ANKRD18A: variants seen among roughly 807,000 people sequenced by gnomAD.
ANKRD18A encodes ankyrin repeat domain 18A, also known as ankyrin repeat domain-containing protein 18A.
Under a neutral mutation model 110.6 loss-of-function variants are expected in ANKRD18A, and 72 were observed. That is an observed-to-expected ratio of 0.65 (90% CI 0.54 to 0.79). The LOEUF (loss-of-function observed/expected upper bound fraction) is 0.79, where lower values mean the gene tolerates loss of function less well. ANKRD18A is among the 30% of genes least tolerant of loss of function. The pLI is 0.00. For missense variants in ANKRD18A, 934 were observed against 1,163.3 expected, an observed-to-expected ratio of 0.80 and a Z score of 2.87; for synonymous variants, 305 against 410.3, an observed-to-expected ratio of 0.74 and a Z score of 3.10.
At chr9:38,594,810 T>C (rs1450540695) in intron 9 of ANKRD18A, among the ~76,000 whole-genome samples, 3 of 152,200 alleles carry the variant, frequency 2.0e-5, no homozygotes, top group Non-Finnish European at 4.4e-5. Flanking sequence ...GCTCACTTAA[T>C]TGAATCTGAT....
In ANKRD18A at chr9:38,595,913, A is replaced by G. The variant is rs1422894583; in HGVS notation, c.1427T>C (p.Val476Ala). Residue 476 changes from valine to alanine, a missense_variant, in exon 9 of 16, where the codon GTC (valine) becomes GCC (alanine). By Grantham distance (64) the Val-to-Ala change is moderately conservative. This residue lies in a region of ANKRD18A where 630 missense variants were observed against 797.5 expected (regional missense o/e 0.79). Transcript: ENST00000399703. ...TDKNELLTEQ[V>A]HKARVKFNTL... ...ATTGAACTTCACCCGAGCTTTATGG[A>G]CCTGTTCAGTAAGCAACTCATTCTT... is the stretch of plus-strand genomic sequence containing the variant. The G allele has an allele frequency of 4.9e-5, 76 of 1,551,070 alleles. 1 individual carries two copies. In the Admixed American group the frequency reaches 1.5e-3, roughly 30 times the overall value.
At chr9:38,571,117 G>T (rs1435806914), downstream of ANKRD18A, 1 of 1,528,864 alleles carries the variant, frequency 6.5e-7, no homozygotes, top group Admixed American at 2.0e-5. Context: ...CTAGTTTCTT[G>T]GTACCTCAGT....
downstream of ANKRD18A, chr9:38,567,421 G>GA (rs1030791402): frequency 1.3e-5 from 2 of 152,236 alleles, no homozygotes; most frequent in Non-Finnish European, 1.5e-5. Context: ...GTGACCTTTT[G>GA]AAAAAATAGT....
chr9:38,602,120 C>A (rs1198181775), intron 7 of ANKRD18A, among the ~76,000 whole-genome samples: 1 of 149,104 alleles, frequency 6.7e-6, no homozygotes, highest in Non-Finnish European at 1.5e-5. Flanking sequence ...TTGAATTTTT[C>A]TAGTGTCACT....
At chr9:38,588,158 TGTAA>T (rs527935386) in intron 11 of ANKRD18A, among the ~76,000 whole-genome samples, 1,622 of 152,280 alleles carry the variant, frequency 0.011, 22 homozygotes, top group Middle Eastern at 0.027. Context: ...CAGATTGTGT[TGTAA>T]GTTTCTTTTT....
At chr9:38,589,339 T>C (rs570448392) in intron 10 of ANKRD18A, among the ~76,000 whole-genome samples, 12 of 152,410 alleles carry the variant, frequency 7.9e-5, no homozygotes, top group African/African-American at 2.9e-4. Context: ...ATTGTGTTTT[T>C]ATATTGAAAC....
chr9:38,601,351 T>G (rs1825111204), intron 7 of ANKRD18A, 147 bp from the exon 8 acceptor site: 2 of 891,392 alleles, frequency 2.2e-6, no homozygotes, highest in East Asian at 5.6e-5. Flanking sequence ...TTAAGAAACA[T>G]TTCTAATTAC....
At chr9:38,590,650 G>A (rs1347120588) in intron 10 of ANKRD18A, among the ~76,000 whole-genome samples, 1 of 152,098 alleles carries the variant, frequency 6.6e-6, no homozygotes, top group Non-Finnish European at 1.5e-5. Flanking sequence ...TAGAGATATG[G>A]CATGATGAAC....
intron 6 of ANKRD18A, among the ~76,000 whole-genome samples, chr9:38,603,992 C>A (rs1411484361): frequency 2.0e-5 from 3 of 152,156 alleles, no homozygotes; most frequent in Non-Finnish European, 4.4e-5. Flanking sequence ...TGTGGTGTGA[C>A]CCAGCTAATA....
rs1825605196 is a variant in ANKRD18A, at chr9:38,611,205, A to C, written c.602+10T>G. 3 of 1,521,368 alleles carry C rather than the reference A, an allele frequency of 2.0e-6. No homozygotes were observed. The highest frequency in any genetic ancestry group is 2.6e-6 in the Non-Finnish European group (3 of 1,137,948). The allele number at this position is 1,521,368 out of a possible 1,614,324, so 94.2% of individuals were successfully genotyped here. A position where few individuals can be genotyped will look rare whatever the true frequency, so the allele number is the denominator to read the frequency against. On this transcript the variant is annotated intron_variant, in intron 4 of 15. Coordinates refer to ENST00000399703, the MANE Select transcript of ANKRD18A (RefSeq NM_147195.4). ...GGAAAAAAGAAAACAAAAAACAAAA[A>C]CTATTGCACCTTTTGAAATTGTCAA...
At chr9:38,612,177 A>G (rs1225632427) in intron 3 of ANKRD18A, among the ~76,000 whole-genome samples, 2 of 152,224 alleles carry the variant, frequency 1.3e-5, no homozygotes, top group East Asian at 3.9e-4. Flanking sequence ...TCCTAATGCA[A>G]GAGGATAGAT....
downstream of ANKRD18A, chr9:38,571,084 C>G: frequency 6.6e-7 from 1 of 1,505,396 alleles, no homozygotes; most frequent in East Asian, 2.5e-5. Flanking sequence ...AGGACTGTCC[C>G]CAGACAGCTA....
chr9:38,608,689 T>C (rs1246805626), intron 5 of ANKRD18A, among the ~76,000 whole-genome samples: 1 of 146,518 alleles, frequency 6.8e-6, no homozygotes, highest in African/African-American at 2.5e-5. Flanking sequence ...AATATAAAAA[T>C]AATATAATTA....
chr9:38,604,305 A>T (rs1359109970), intron 6 of ANKRD18A: 1 of 152,124 alleles, frequency 6.6e-6, no homozygotes, highest in Non-Finnish European at 1.5e-5. Flanking sequence ...CCCGAAGGAA[A>T]AAAAAATTTA....
At chr9:38,609,559 T>G (rs1288208129) in intron 5 of ANKRD18A, among the ~76,000 whole-genome samples, 1 of 151,988 alleles carries the variant, frequency 6.6e-6, no homozygotes, top group Admixed American at 6.6e-5. Flanking sequence ...GTGAGGGATC[T>G]GAATCAGTAA....
At chr9:38,581,636 T>G (rs1824168156) in intron 12 of ANKRD18A, among the ~76,000 whole-genome samples, 1 of 152,196 alleles carries the variant, frequency 6.6e-6, no homozygotes. Context: ...ACAGCATACT[T>G]TGAGTGTTAA....
chr9:38,597,471 C>A (rs1298148746), intron 8 of ANKRD18A, among the ~76,000 whole-genome samples: 2 of 152,008 alleles, frequency 1.3e-5, no homozygotes, highest in Non-Finnish European at 2.9e-5. Flanking sequence ...GGAAGATACA[C>A]AGTATAGCTG....
intron 11 of ANKRD18A, among the ~76,000 whole-genome samples, chr9:38,587,531 A>G (rs1421556069): frequency 6.6e-6 from 1 of 152,184 alleles, no homozygotes. Flanking sequence ...CCCATGTAAA[A>G]TGAGTAAATT....
At chr9:38,598,038 T>G (rs989555825) in intron 8 of ANKRD18A, among the ~76,000 whole-genome samples, 6 of 152,210 alleles carry the variant, frequency 3.9e-5, no homozygotes, top group African/African-American at 9.6e-5. Context: ...ACAGATAAAC[T>G]TGCATGCATG....
Sources: gnomAD v4.1 joint callset for allele counts (sites outside exome capture counted in the v4.1 genomes callset) on GRCh38, gnomAD v4.1.1 for gene constraint, gnomAD v4.1.1 regional missense constraint, MANE v1.5 for transcripts, NCBI Gene and HGNC (gene_info 2026-07-23, HGNC 2026-07-21) for gene names.